The following CAPZB variants were observed in gnomAD, a reference collection of about 807,000 sequenced individuals.
The protein encoded by CAPZB is F-actin-capping protein subunit beta.
A neutral mutation model predicts 38.1 loss-of-function variants in CAPZB; 2 were observed. The ratio of observed to expected loss-of-function variants is 0.05; its 90% CI spans 0.02 to 0.17. The LOEUF (loss-of-function observed/expected upper bound fraction) is 0.17, where lower values mean the gene tolerates loss of function less well. Among genes scored for constraint, CAPZB ranks in the 10% least tolerant of loss-of-function variants. The pLI is 1.00. For synonymous variants in CAPZB, 107 were observed against 127.4 expected (o/e 0.84, Z 1.08); for missense variants, 161 against 334.2 (o/e 0.48, Z 4.04).
chr1:19,450,144 C>CAAAAAAAAAAAAAAAG (rs2094510272), intron 1 of CAPZB, among the ~76,000 whole-genome samples: 1 of 35,452 alleles, frequency 2.8e-5, no homozygotes. Flanking sequence ...ACCCTGTCTC[C>CAAAAAAAAAAAAAAAG]AAAAAAAAAA....
intron 3 of CAPZB, among the ~76,000 whole-genome samples, chr1:19,383,908 C>T (rs943026904): frequency 2.0e-5 from 3 of 152,134 alleles, no homozygotes; most frequent in Admixed American, 1.3e-4. Context: ...CTGCAGAGGC[C>T]GCTGGCTCTA....
At chr1:19,465,521 C>A (rs989843126) in intron 1 of CAPZB, among the ~76,000 whole-genome samples, 1 of 152,202 alleles carries the variant, frequency 6.6e-6, no homozygotes. Flanking sequence ...ATTTTTGAAA[C>A]CTGTGACTGA....
rs1409732051 is a variant in CAPZB at position 19,397,762 on chromosome 1, G to A, written c.94-12136C>T. On this transcript the variant is annotated intron_variant, in intron 2 of 8. Transcript: ENST00000264202. ...AACCACATGTGTGCCAAATGTCCAC[G>A]TCTAAACCTAGAGTTTAGGGTGAAA... 2.6e-5 allele frequency among the ~76,000 whole-genome samples: 4 copies of A among 152,172 alleles called. No individual in the cohort carries two copies. The South Asian group carries it at 6.2e-4, about 24-fold the overall frequency.
chr1:19,394,313 C>T (rs960244260), intron 2 of CAPZB, among the ~76,000 whole-genome samples: 3 of 152,238 alleles, frequency 2.0e-5, no homozygotes, highest in African/African-American at 4.8e-5. Flanking sequence ...AGTGCAAGCA[C>T]AGCCTGCTTT....
chr1:19,474,120 C>T (rs1409474632), intron 1 of CAPZB, among the ~76,000 whole-genome samples: 1 of 152,042 alleles, frequency 6.6e-6, no homozygotes, highest in Non-Finnish European at 1.5e-5. Context: ...CTCAGCCTCC[C>T]AAGCAGCTAG....
intron 1 of CAPZB, among the ~76,000 whole-genome samples, chr1:19,441,016 T>C (rs1570276641): frequency 6.6e-6 from 1 of 152,068 alleles, no homozygotes. Flanking sequence ...GCTGAGATCG[T>C]GCCACTGCAC....
In CAPZB at chr1:19,356,925, G is replaced by A. The variant is rs189925432; in HGVS notation, c.472-174C>T. ...CACCCAGGCTGGAGTGCAGTGGTGC[G>A]ATCTCAAGTCACTGCAGCCTCCACC... On this transcript the variant is annotated intron_variant, in intron 5 of 8. Coordinates refer to ENST00000264202, the MANE Select transcript of CAPZB (RefSeq NM_004930.5). The surrounding 1 kb of genome is among the most constrained non-coding windows in gnomAD (Gnocchi z 4.3). Among the ~76,000 whole-genome samples the A allele has an allele frequency of 4.3e-4, 66 of 151,930 alleles. No individual in the cohort carries two copies. In the East Asian group the frequency reaches 8.9e-3, roughly 21 times the overall value.
intron 1 of CAPZB, among the ~76,000 whole-genome samples, chr1:19,459,788 C>A (rs548998466): frequency 5.3e-5 from 8 of 152,196 alleles, no homozygotes; most frequent in Admixed American, 3.9e-4. Context: ...TTCAAAATTT[C>A]CCACGGCTCT....
chr1:19,438,194 C>T (rs1277679841), intron 1 of CAPZB, among the ~76,000 whole-genome samples: 1 of 152,168 alleles, frequency 6.6e-6, no homozygotes, highest in Non-Finnish European at 1.5e-5. Context: ...GCTGGAATCG[C>T]TGCTTAAGAA....
chr1:19,450,167 A>AC (rs2094511107), intron 1 of CAPZB, among the ~76,000 whole-genome samples: 1 of 117,196 alleles, frequency 8.5e-6, no homozygotes, highest in Admixed American at 9.6e-5. Context: ...AAAAAAAAAA[A>AC]AAGAAAAGAA....
intron 1 of CAPZB, among the ~76,000 whole-genome samples, chr1:19,478,935 T>G (rs1189209144): frequency 1.1e-4 from 16 of 152,152 alleles, no homozygotes; most frequent in Non-Finnish European, 2.1e-4. Flanking sequence ...CCTGGCCAAG[T>G]ACAGTGGCTC....
At chr1:19,448,684 A>G in intron 1 of CAPZB, 3 of 1,044,614 alleles carry the variant, frequency 2.9e-6, no homozygotes, top group Non-Finnish European at 4.1e-6. Context: ...TCACCTAGCC[A>G]ACACATTTCC....
At chr1:19,434,928 T>C (rs1050325109) in intron 1 of CAPZB, among the ~76,000 whole-genome samples, 2 of 144,816 alleles carry the variant, frequency 1.4e-5, no homozygotes, top group African/African-American at 5.1e-5. Flanking sequence ...GGAGAGTGGG[T>C]AGCCACAGAA....
In CAPZB at chr1:19,345,110, C is replaced by A. The variant is rs563733403; in HGVS notation, c.654+77G>T. 30 of 1,110,862 alleles carry A rather than the reference C, an allele frequency of 2.7e-5. No individual in the cohort carries two copies. In the South Asian group the frequency reaches 3.3e-4, roughly 12 times the overall value. 68.8% of individuals were successfully genotyped at this position (1,110,862 alleles called of 1,614,324 possible). On this transcript the variant is annotated intron_variant, in intron 7 of 8. Coordinates refer to ENST00000264202, the MANE Select transcript of CAPZB (RefSeq NM_004930.5). ...TGAGAGAAAGCAGCAGAGAAGGAGG[C>A]CAGCACAGCGGCTCCGGGGCTGCAG... is the stretch of plus-strand genomic sequence containing the variant.
intron 4 of CAPZB, among the ~76,000 whole-genome samples, chr1:19,359,721 G>A (rs1224977418): frequency 6.6e-6 from 1 of 152,210 alleles, no homozygotes; most frequent in African/African-American, 2.4e-5. Context: ...GTGGGGAAGG[G>A]TCTGGCTCTG....
intron 1 of CAPZB, among the ~76,000 whole-genome samples, chr1:19,460,727 G>A (rs1003550062): frequency 6.6e-5 from 10 of 151,844 alleles, no homozygotes; most frequent in Admixed American, 2.0e-4. Flanking sequence ...GGTACTAACC[G>A]CAGTTTCAGG....
intron 4 of CAPZB, among the ~76,000 whole-genome samples, chr1:19,358,127 G>A (rs2094031938): frequency 6.6e-6 from 1 of 152,166 alleles, no homozygotes; most frequent in Admixed American, 6.5e-5. Context: ...CCGACGCAAT[G>A]CAAAAACATC....
chr1:19,427,064 G>C (rs1168501351), intron 1 of CAPZB, among the ~76,000 whole-genome samples: 2 of 152,234 alleles, frequency 1.3e-5, no homozygotes. Context: ...CAAGGAGCCT[G>C]AGATGACTAC....
At chr1:19,349,646 G>A (rs981720589) in intron 6 of CAPZB, among the ~76,000 whole-genome samples, 4 of 152,288 alleles carry the variant, frequency 2.6e-5, no homozygotes, top group East Asian at 1.9e-4. Flanking sequence ...AGGAGAGGTC[G>A]GGTGGAGGAG....
Sources: allele counts gnomAD v4.1 joint callset (sites outside exome capture counted in the v4.1 genomes callset), GRCh38; gene constraint gnomAD v4.1.1; non-coding constraint Gnocchi (gnomAD v3.1); transcripts MANE v1.5; gene names NCBI Gene and HGNC (gene_info 2026-07-23, HGNC 2026-07-21).